Variants in GPLD1 observed in about 807,000 individuals in gnomAD.
The protein encoded by GPLD1 is glycosylphosphatidylinositol specific phospholipase D1, also known as phosphatidylinositol-glycan-specific phospholipase D.
GPLD1 carries 84 observed loss-of-function variants against 112.6 expected under a neutral mutation model. The observed-to-expected ratio is 0.75, with a 90% CI of 0.63 to 0.89. GPLD1 has a LOEUF of 0.89. Ranked by LOEUF, GPLD1 falls within the 40% of genes least tolerant of loss-of-function variation. GPLD1 has a pLI of 0.00. For missense variants in GPLD1, 1,044 were observed against 1,051.5 expected, an observed-to-expected ratio of 0.99 and a Z score of 0.10; for synonymous variants, 386 against 403.8, an observed-to-expected ratio of 0.96 and a Z score of 0.53.
At chr6:24,450,855 C>G (rs1010876591) in intron 14 of GPLD1, among the ~76,000 whole-genome samples, 1 of 151,964 alleles carries the variant, frequency 6.6e-6, no homozygotes, top group African/African-American at 2.4e-5. Flanking sequence ...ACCTGTAATT[C>G]CAGCTACTCA....
At chr6:24,482,014 T>C (rs1292874982) in intron 2 of GPLD1, among the ~76,000 whole-genome samples, 4 of 151,950 alleles carry the variant, frequency 2.6e-5, no homozygotes. Flanking sequence ...ATTTTAAAAA[T>C]TATGCCAAAG....
chr6:24,454,260 G>A lies in GPLD1; in HGVS notation c.1149-59C>T, dbSNP rs569286176. The A allele has an allele frequency of 3.2e-5, 40 of 1,249,046 alleles. No homozygotes were observed. The East Asian group carries it at 3.7e-4, about 11-fold the overall frequency. 77.4% of individuals were successfully genotyped at this position (1,249,046 alleles called of 1,614,324 possible). A position where few individuals can be genotyped will look rare whatever the true frequency, so the allele number is the denominator to read the frequency against. ...ACTGAGCACTAGGGTTAAAGCTGTCGCCTGCTTCTTTCCTTTCTAGAGCCC... is the reference window on the plus strand; with the variant it reads ...ACTGAGCACTAGGGTTAAAGCTGTCACCTGCTTCTTTCCTTTCTAGAGCCC... On this transcript the variant is annotated intron_variant, in intron 13 of 24. Transcript: ENST00000230036.
Position 24,452,040 on chromosome 6 carries a change from T to C in GPLD1, c.1335+1975A>G, listed in dbSNP as rs577983485. ...CATTGTATCAATGAGGACACAGAGA[T>C]GCTCACTGCAGTCAGGGCCTGAGGG... On this transcript the variant is annotated intron_variant, in intron 14 of 24. Coordinates refer to ENST00000230036, the MANE Select transcript of GPLD1 (RefSeq NM_001503.4). Among the ~76,000 whole-genome samples, 3 of 152,240 alleles carry C rather than the reference T, an allele frequency of 2.0e-5. No individual in the cohort carries two copies. In the South Asian group the frequency reaches 6.2e-4, roughly 32 times the overall value.
chr6:24,433,549 G>A, intron 22 of GPLD1, 160 bp from the exon 23 acceptor site: 1 of 557,828 alleles, frequency 1.8e-6, no homozygotes, highest in African/African-American at 2.1e-5. Flanking sequence ...CTGGAGTGCA[G>A]TGGCGTGATC....
intron 20 of GPLD1, among the ~76,000 whole-genome samples, chr6:24,444,010 C>G (rs1379541777): frequency 1.3e-5 from 2 of 152,096 alleles, no homozygotes; most frequent in Admixed American, 6.6e-5. Context: ...CAAATCTTTC[C>G]CATATTGCAA....
At chr6:24,470,057 ATGG>A (rs1763748522) in intron 7 of GPLD1, among the ~76,000 whole-genome samples, 1 of 152,106 alleles carries the variant, frequency 6.6e-6, no homozygotes, top group Admixed American at 6.5e-5. Context: ...AGGTAAGCAA[ATGG>A]GACAACCAGC....
chr6:24,473,617 AC>A lies in GPLD1; in HGVS notation c.490+1del, dbSNP rs1260588858. On this transcript the variant is annotated splice_donor_variant, in intron 6 of 24. Transcript: ENST00000230036. LOFTEE classifies it high-confidence loss of function. ...AATTTAGCAAATGTAAATAAACAGT[AC>A]CAAAATCACCAGCCGAATGAGCCTC... 1 of 1,595,182 alleles carries A rather than the reference AC, an allele frequency of 6.3e-7. No individual in the cohort carries two copies. The highest frequency in any genetic ancestry group is 8.6e-7 in the Non-Finnish European group (1 of 1,163,232).
intron 20 of GPLD1, among the ~76,000 whole-genome samples, chr6:24,440,372 T>A (rs796984): frequency 0.55 from 83,349 of 151,866 alleles, 24,925 homozygotes; most frequent in African/African-American, 0.79. Flanking sequence ...TGACCTCAGG[T>A]GTTCAAGGTA....
intron 22 of GPLD1, among the ~76,000 whole-genome samples, chr6:24,434,853 A>AAAAAAAAAAAAG (rs1762520309): frequency 6.7e-6 from 1 of 149,732 alleles, no homozygotes; most frequent in African/African-American, 2.5e-5. Context: ...AAAAAAAAAA[A>AAAAAAAAAAAAG]AAGACAGGGT....
At chr6:24,477,396 G>A (rs1305381028) in intron 3 of GPLD1, among the ~76,000 whole-genome samples, 2 of 151,542 alleles carry the variant, frequency 1.3e-5, no homozygotes, top group Middle Eastern at 3.2e-3. Flanking sequence ...AATTACAAAG[G>A]CTAATTCAGT....
intron 1 of GPLD1, among the ~76,000 whole-genome samples, chr6:24,489,006 A>G (rs1764475451): frequency 6.6e-6 from 1 of 152,174 alleles, no homozygotes; most frequent in African/African-American, 2.4e-5. Context: ...CTTTACATAT[A>G]CTTGGAAATG....
At chr6:24,445,701 C>T in intron 19 of GPLD1, 25 bp downstream of exon 19, 1 of 1,598,640 alleles carries the variant, frequency 6.3e-7, no homozygotes, top group Non-Finnish European at 8.6e-7. Flanking sequence ...TGTCCACTCT[C>T]CTGTGTGGGG....
intron 22 of GPLD1, among the ~76,000 whole-genome samples, chr6:24,433,874 C>A (rs531806803): frequency 6.6e-6 from 1 of 151,922 alleles, no homozygotes; most frequent in Non-Finnish European, 1.5e-5. Flanking sequence ...AAATACAGGT[C>A]AGAAAAATAA....
intron 17 of GPLD1, 124 bp downstream of exon 17, chr6:24,447,753 A>G (rs1217593737): frequency 4.6e-6 from 4 of 878,522 alleles, no homozygotes; most frequent in Non-Finnish European, 5.2e-6. Context: ...AGAGTAACAG[A>G]CTGTTAGAAA....
chr6:24,490,387 A>G (rs749507126), upstream of GPLD1, among the ~76,000 whole-genome samples: 3 of 152,202 alleles, frequency 2.0e-5, no homozygotes, highest in Non-Finnish European at 4.4e-5. Flanking sequence ...AAAGCAAGAG[A>G]TGGGCTCCTA....
intron 10 of GPLD1, among the ~76,000 whole-genome samples, chr6:24,464,246 G>T (rs574710071): frequency 6.6e-6 from 1 of 152,170 alleles, no homozygotes; most frequent in East Asian, 1.9e-4. Flanking sequence ...AAATCCTATG[G>T]TAAAAATAGT....
At chr6:24,431,776 C>T (rs1762412805) in intron 24 of GPLD1, among the ~76,000 whole-genome samples, 1 of 151,814 alleles carries the variant, frequency 6.6e-6, no homozygotes, top group Admixed American at 6.6e-5. Flanking sequence ...CTCAGGCGAT[C>T]CACCAACCTC....
intron 20 of GPLD1, among the ~76,000 whole-genome samples, chr6:24,442,833 A>G (rs935644493): frequency 3.3e-5 from 5 of 151,992 alleles, no homozygotes; most frequent in African/African-American, 1.2e-4. Flanking sequence ...CTCCTGCCTT[A>G]GCCTCCCAAA....
chr6:24,494,962 C>T (rs890304621), intron 1 of GPLD1: 1 of 1,297,542 alleles, frequency 7.7e-7, no homozygotes, highest in Non-Finnish European at 9.8e-7. Flanking sequence ...CGCGCGCCCG[C>T]TTGCCTGTTT....
Sources: allele counts gnomAD v4.1 joint callset (sites outside exome capture counted in the v4.1 genomes callset), GRCh38; gene constraint gnomAD v4.1.1; transcripts MANE v1.5; gene names NCBI Gene and HGNC (gene_info 2026-07-23, HGNC 2026-07-21).